The following NAA15 variants were observed in gnomAD, a reference collection of about 807,000 sequenced individuals.
The protein encoded by NAA15 is N-alpha-acetyltransferase 15, NatA auxiliary subunit, also known as N-terminal acetyltransferase.
In NAA15, 34 loss-of-function variants were observed where a neutral mutation model predicts 114.0. The ratio of observed to expected loss-of-function variants is 0.30; its 90% CI spans 0.23 to 0.40. NAA15 has a LOEUF of 0.40. Among genes scored for constraint, NAA15 ranks in the 10% least tolerant of loss-of-function variants. The pLI is 1.00. For missense variants in NAA15, 658 were observed against 1,004.5 expected (o/e 0.66, Z 4.66); for synonymous variants, 340 against 338.0 (o/e 1.01, Z -0.06).
intron 12 of NAA15, 132 bp from the exon 13 acceptor site, chr4:139,360,368 A>G (rs1203652560): frequency 9.3e-6 from 6 of 644,802 alleles, no homozygotes; most frequent in African/African-American, 1.9e-5. Flanking sequence ...CATGTTAACT[A>G]TTCTTTAAGA....
At position 139,315,008 on chromosome 4, in the gene NAA15, TAGG is replaced by T; in HGVS notation, c.54+13178_54+13180del. ...GCGTTCAGTTCAGTTCAGTTTAGTT[TAGG>T]TTAGGTTAGGTTAGGTTAGGTTAGG... On this transcript the variant is annotated intron_variant, in intron 1 of 19. Coordinates refer to ENST00000296543, the MANE Select transcript of NAA15 (RefSeq NM_057175.5). 2.1e-5 allele frequency among the ~76,000 whole-genome samples: 2 copies of T among 96,684 alleles called. 1 individual carries two copies. The highest frequency in any genetic ancestry group is 4.1e-5 in the Non-Finnish European group (2 of 48,288). The allele number at this position is 96,684 out of a possible 152,430, so 63.4% of individuals were successfully genotyped here. A position where few individuals can be genotyped will look rare whatever the true frequency, so the allele number is the denominator to read the frequency against.
At chr4:139,317,338 C>T (rs556594205) in intron 1 of NAA15, among the ~76,000 whole-genome samples, 33 of 148,586 alleles carry the variant, frequency 2.2e-4, no homozygotes, top group Non-Finnish European at 4.0e-4. Context: ...ATTAGAGGAT[C>T]GTGGGCCGGG....
At chr4:139,357,248 G>A (rs777103371) in intron 10 of NAA15, 138 bp from the exon 11 acceptor site, 41 of 706,306 alleles carry the variant, frequency 5.8e-5, no homozygotes, top group Non-Finnish European at 7.9e-5. Flanking sequence ...TATAAACTTA[G>A]GAGGAGTTTT....
At chr4:139,350,601 T>C (rs536001527) in intron 7 of NAA15, among the ~76,000 whole-genome samples, 2 of 152,320 alleles carry the variant, frequency 1.3e-5, no homozygotes, top group East Asian at 3.9e-4. Flanking sequence ...CATTGAAATA[T>C]ACAAGAGAAA....
intron 1 of NAA15, among the ~76,000 whole-genome samples, chr4:139,309,995 G>C (rs1267300606): frequency 1.3e-5 from 2 of 152,078 alleles, no homozygotes; most frequent in Non-Finnish European, 2.9e-5. Context: ...CCAGAGGGGC[G>C]GGCATGGTGC....
chr4:139,309,734 C>A (rs766253649), intron 1 of NAA15, among the ~76,000 whole-genome samples: 1 of 152,002 alleles, frequency 6.6e-6, no homozygotes, highest in Non-Finnish European at 1.5e-5. Context: ...AATTCTTTTG[C>A]GTCAATAGAG....
In NAA15 at chr4:139,384,932, A is replaced by G. The variant is rs1579141818; in HGVS notation, c.2256A>G (p.Glu752=). The change falls in exon 18 of 20, where the codon GAA becomes GAG. Residue 752 remains glutamate (E), a synonymous_variant. Transcript: ENST00000296543. The stretch of plus-strand genomic sequence containing the variant: ...CAACGAATCCAAAGAATTTTAATGA[A>G]ACTTTTCTGAAAAGGAATTCTGATT... The part of the protein sequence containing the change: ...FGATNPKNFN[E]TFLKRNSDSL... The G allele has an allele frequency of 1.3e-6, 2 of 1,567,584 alleles. No homozygotes were observed. Among genetic ancestry groups the G allele is most frequent in the Non-Finnish European group, 1.7e-6 (2 of 1,158,318 alleles).
intron 1 of NAA15, among the ~76,000 whole-genome samples, chr4:139,319,692 C>G (rs975026936): frequency 6.6e-6 from 1 of 152,178 alleles, no homozygotes; most frequent in African/African-American, 2.4e-5. Flanking sequence ...CTTGGCCTCC[C>G]AAAGTGCTGA....
intron 1 of NAA15, among the ~76,000 whole-genome samples, chr4:139,332,320 G>A (rs1457485950): frequency 2.6e-5 from 4 of 151,676 alleles, no homozygotes; most frequent in African/African-American, 7.3e-5. Flanking sequence ...TAGTAGAAAC[G>A]GGGTTTCACC....
At chr4:139,310,651 C>T (rs1185048683) in intron 1 of NAA15, among the ~76,000 whole-genome samples, 4 of 151,422 alleles carry the variant, frequency 2.6e-5, no homozygotes, top group Non-Finnish European at 5.9e-5. Flanking sequence ...CAGGGTTTTG[C>T]TCTGTCACTC....
intron 2 of NAA15, among the ~76,000 whole-genome samples, chr4:139,335,824 A>G (rs1015103523): frequency 1.3e-5 from 2 of 151,574 alleles, no homozygotes; most frequent in African/African-American, 2.4e-5. Flanking sequence ...CAATGGGGCA[A>G]TTTTGGCTCA....
intron 15 of NAA15, 84 bp downstream of exon 15, chr4:139,370,488 T>C (rs1417251132): frequency 5.3e-6 from 7 of 1,329,520 alleles, no homozygotes; most frequent in Non-Finnish European, 6.9e-6. Flanking sequence ...TTTGACAGTA[T>C]ATAACCTTAT....
rs897895961 is a variant in NAA15, at chr4:139,389,218, A to T, written c.*1134A>T. The T allele has an allele frequency of 1.5e-4, 16 of 110,224 alleles. No homozygotes were observed. Among genetic ancestry groups the T allele is most frequent in the East Asian group, 2.6e-4 (1 of 3,792 alleles). 6.8% of individuals were successfully genotyped at this position (110,224 alleles called of 1,614,324 possible). ...GATTTTTTTTTTTTTTTTTTTTTTC[A>T]AATAACAGACCAGCTTCTTTTTCTT... is the stretch of plus-strand genomic sequence containing the variant. On this transcript the variant is annotated 3_prime_UTR_variant, in exon 20 of 20. Transcript: ENST00000296543.
rs1314905510 is a variant in NAA15 at position 139,391,026 on chromosome 4, G to GA, written c.*2946dup. Reference sequence around the variant, plus strand: ...TTCAGTTACCATGTATAGTATTTGGGAAAAGCTGTAATGTAAAATATTGGA... The same window carrying GA: ...TTCAGTTACCATGTATAGTATTTGGGAAAAAGCTGTAATGTAAAATATTGGA... On this transcript the variant is annotated 3_prime_UTR_variant, in exon 20 of 20. Transcript: ENST00000296543. 3 of 152,216 alleles carry GA rather than the reference G, an allele frequency of 2.0e-5. No individual in the cohort carries two copies. The highest frequency in any genetic ancestry group is 2.9e-5 in the Non-Finnish European group (2 of 68,040). 9.4% of individuals were successfully genotyped at this position (152,216 alleles called of 1,614,324 possible).
At chr4:139,311,264 G>A (rs933250737) in intron 1 of NAA15, among the ~76,000 whole-genome samples, 7 of 151,916 alleles carry the variant, frequency 4.6e-5, no homozygotes, top group Non-Finnish European at 1.0e-4. Context: ...AGATAAGGAC[G>A]TCTGTTAATG....
At chr4:139,306,618 GTT>G (rs1746029346) in intron 1 of NAA15, among the ~76,000 whole-genome samples, 3 of 145,652 alleles carry the variant, frequency 2.1e-5, no homozygotes, top group Non-Finnish European at 4.5e-5. Context: ...GTTTTGTTTT[GTT>G]TTGTTTTGTT....
intron 10 of NAA15, among the ~76,000 whole-genome samples, chr4:139,356,861 T>A (rs1747968900): frequency 6.6e-6 from 1 of 152,074 alleles, no homozygotes; most frequent in Non-Finnish European, 1.5e-5. Flanking sequence ...AAATTATGCA[T>A]CTTTGCATAT....
At chr4:139,382,985 G>T (rs559133673) in intron 17 of NAA15, among the ~76,000 whole-genome samples, 2 of 152,282 alleles carry the variant, frequency 1.3e-5, no homozygotes, top group African/African-American at 4.8e-5. Flanking sequence ...ATAGAATAGT[G>T]TAGAAAAGAT....
chr4:139,303,219 T>C (rs1312502202), intron 1 of NAA15, among the ~76,000 whole-genome samples: 2 of 152,252 alleles, frequency 1.3e-5, no homozygotes, highest in South Asian at 2.1e-4. Flanking sequence ...GTTTTAAGAC[T>C]AAGAGTGTAG....
Sources: allele counts gnomAD v4.1 joint callset (sites outside exome capture counted in the v4.1 genomes callset), GRCh38; gene constraint gnomAD v4.1.1; transcripts MANE v1.5; gene names NCBI Gene and HGNC (gene_info 2026-07-23, HGNC 2026-07-21).